The following NFAM1 variants were observed in gnomAD, a reference collection of about 807,000 sequenced individuals.
NFAM1 encodes the protein NFAT activation molecule 1.
NFAM1 carries 17 observed loss-of-function variants against 29.0 expected under a neutral mutation model. That is an observed-to-expected ratio of 0.59 (90% CI 0.40 to 0.88). The LOEUF is 0.88. NFAM1 is among the 40% of genes least tolerant of loss of function. The pLI is 0.00. For synonymous variants in NFAM1, 175 were observed against 147.2 expected (o/e 1.19, Z -1.36); for missense variants, 324 against 344.6 (o/e 0.94, Z 0.47).
chr22:42,432,472 C>T (rs764384898), upstream of NFAM1: 198 of 1,407,702 alleles, frequency 1.4e-4, no homozygotes, highest in Admixed American at 1.7e-4. Flanking sequence ...CCTGACCTTC[C>T]GCTCAGAAGC....
intron 1 of NFAM1, among the ~76,000 whole-genome samples, chr22:42,420,323 A>C (rs568089603): frequency 1.3e-5 from 2 of 152,184 alleles, no homozygotes; most frequent in Admixed American, 6.5e-5. Context: ...TAAATAAATA[A>C]ATTAGCCAGG....
At chr22:42,430,391 C>A (rs1016932255) in intron 1 of NFAM1, among the ~76,000 whole-genome samples, 2 of 152,180 alleles carry the variant, frequency 1.3e-5, no homozygotes, top group African/African-American at 4.8e-5. Context: ...AAAACTCTGT[C>A]TCTACTAAAA....
At chr22:42,417,368 G>T (rs1233564209) in intron 1 of NFAM1, among the ~76,000 whole-genome samples, 1 of 152,216 alleles carries the variant, frequency 6.6e-6, no homozygotes, top group East Asian at 1.9e-4. Flanking sequence ...GGGCCCAGGA[G>T]CTGCTCCCAG....
At chr22:42,386,950 G>A (rs773319556) in intron 5 of NFAM1, 39 bp downstream of exon 5, 2 of 1,151,346 alleles carry the variant, frequency 1.7e-6, no homozygotes, top group South Asian at 2.9e-5. Context: ...GGGTCAGATG[G>A]AGCAAGAAGC....
rs1930027448 is a variant in NFAM1, at chr22:42,409,929, T to G, written c.452-382A>C. Among the ~76,000 whole-genome samples, 1 of 152,162 alleles carries G rather than the reference T, an allele frequency of 6.6e-6. No homozygotes were observed. The highest frequency in any genetic ancestry group is 2.4e-5 in the African/African-American group (1 of 41,428). On this transcript the variant is annotated intron_variant, in intron 2 of 5. Coordinates refer to ENST00000329021, the MANE Select transcript of NFAM1 (RefSeq NM_145912.8). This position sits in a 1 kb window ranked among gnomAD's most constrained non-coding sequence, Gnocchi z 4.9. ...AGGGCTGAAGGAGGCGGATTTATCCTGGGACTGACAGGGGGCTGCACCCAG... is the reference window on the plus strand; with the variant it reads ...AGGGCTGAAGGAGGCGGATTTATCCGGGGACTGACAGGGGGCTGCACCCAG...
rs1929008272 is a variant in NFAM1 at position 42,383,011 on chromosome 22, G to C, written c.*2150C>G. 6.5e-6 allele frequency: 1 copy of C among 152,912 alleles called. No homozygotes were observed. Among genetic ancestry groups the C allele is most frequent in the Non-Finnish European group, 1.5e-5 (1 of 68,560 alleles). The allele number at this position is 152,912 out of a possible 1,614,324, so 9.5% of individuals were successfully genotyped here. On this transcript the variant is annotated 3_prime_UTR_variant, in exon 6 of 6. Transcript: ENST00000329021. ...CCAAGTGAGGCAAAAACCATGCAAG[G>C]TATAGAGCAGGGGAGGCCAAGGCCA...
intron 1 of NFAM1, among the ~76,000 whole-genome samples, chr22:42,427,007 C>G (rs1243361679): frequency 6.6e-6 from 1 of 152,100 alleles, no homozygotes; most frequent in Non-Finnish European, 1.5e-5. Context: ...GTTCAGCGTA[C>G]TCCAGAGACT....
At chr22:42,406,336 T>C (rs931578079) in intron 3 of NFAM1, among the ~76,000 whole-genome samples, 2 of 152,138 alleles carry the variant, frequency 1.3e-5, no homozygotes, top group African/African-American at 4.8e-5. Context: ...TCACTGGGTG[T>C]CCCTCACTCA....
chr22:42,401,779 A>G (rs75275430), intron 3 of NFAM1, among the ~76,000 whole-genome samples: 18,484 of 152,136 alleles, frequency 0.12, 1,445 homozygotes, highest in Admixed American at 0.26. Flanking sequence ...GGGAGTCACC[A>G]GGCCTGGGCT....
At chr22:42,413,505 G>T (rs940024501) in intron 1 of NFAM1, among the ~76,000 whole-genome samples, 2 of 152,154 alleles carry the variant, frequency 1.3e-5, no homozygotes, top group Admixed American at 6.5e-5. Context: ...GCTGGGCAGG[G>T]TGGCTCATGC....
Position 42,388,602 on chromosome 22 carries a change from C to CT in NFAM1, c.664-1525dup, listed in dbSNP as rs1405814806. Reference sequence around the variant, plus strand: ...GGCAAGCAGGGGTTGCTGAGGCAGGCTGGAGAGACAGGTGGTGCTCAGAGG... The same window carrying CT: ...GGCAAGCAGGGGTTGCTGAGGCAGGCTTGGAGAGACAGGTGGTGCTCAGAGG... On this transcript the variant is annotated intron_variant, in intron 4 of 5. Transcript: ENST00000329021. The surrounding 1 kb of genome is among the most constrained non-coding windows in gnomAD (Gnocchi z 4.1). Among the ~76,000 whole-genome samples, 3 of 144,964 alleles carry CT rather than the reference C, an allele frequency of 2.1e-5. No individual in the cohort carries two copies. Among genetic ancestry groups the CT allele is most frequent in the Non-Finnish European group, 4.5e-5 (3 of 65,936 alleles).
In NFAM1 at chr22:42,383,491, C is replaced by T. The variant is rs1335260733; in HGVS notation, c.*1670G>A. The T allele has an allele frequency of 6.5e-6, 1 of 152,738 alleles. No individual in the cohort carries two copies. Among genetic ancestry groups the T allele is most frequent in the African/African-American group, 2.4e-5 (1 of 41,452 alleles). The allele number at this position is 152,738 out of a possible 1,614,324, so 9.5% of individuals were successfully genotyped here. ...TCGGTTATGTGAGCCTGCTAAAGCCCTCCTTGCCATGTGTGCTTGCAGGCG... is the reference window on the plus strand; with the variant it reads ...TCGGTTATGTGAGCCTGCTAAAGCCTTCCTTGCCATGTGTGCTTGCAGGCG... On this transcript the variant is annotated 3_prime_UTR_variant, in exon 6 of 6. Transcript: ENST00000329021.
At chr22:42,413,874 C>A (rs946975073) in intron 1 of NFAM1, among the ~76,000 whole-genome samples, 9 of 152,054 alleles carry the variant, frequency 5.9e-5, no homozygotes, top group African/African-American at 2.2e-4. Context: ...GCCAACATGG[C>A]AAAACCCCGT....
intron 1 of NFAM1, among the ~76,000 whole-genome samples, chr22:42,428,507 T>G (rs36025763): frequency 5.9e-5 from 9 of 152,098 alleles, no homozygotes; most frequent in African/African-American, 1.9e-4. Flanking sequence ...AGTGGCACGA[T>G]CTCAGCTCAG....
At chr22:42,421,167 TG>T (rs1181497036) in intron 1 of NFAM1, among the ~76,000 whole-genome samples, 2 of 150,504 alleles carry the variant, frequency 1.3e-5, no homozygotes, top group East Asian at 3.9e-4. Flanking sequence ...AATGCTCCCA[TG>T]GGCTAGGCGC....
intron 5 of NFAM1, among the ~76,000 whole-genome samples, chr22:42,386,383 AC>A (rs1402895886): frequency 7.7e-6 from 1 of 130,332 alleles, no homozygotes; most frequent in African/African-American, 3.4e-5. Context: ...CAAAACAAAA[AC>A]AAAAACAAAC....
intron 3 of NFAM1, among the ~76,000 whole-genome samples, chr22:42,401,786 G>C (rs1488000469): frequency 6.6e-6 from 1 of 152,116 alleles, no homozygotes; most frequent in East Asian, 1.9e-4. Flanking sequence ...ACCAGGCCTG[G>C]GCTGAGATCC....
At chr22:42,403,077 A>AT (rs111640608) in intron 3 of NFAM1, among the ~76,000 whole-genome samples, 4,212 of 150,812 alleles carry the variant, frequency 0.028, 202 homozygotes, top group African/African-American at 0.099. Context: ...TGACCTTGTG[A>AT]CCACCCACCT....
At chr22:42,398,634 G>A (rs28733316) in intron 3 of NFAM1, among the ~76,000 whole-genome samples, 25,333 of 151,890 alleles carry the variant, frequency 0.17, 2,270 homozygotes, top group African/African-American at 0.21. Context: ...GGCTGGTCTC[G>A]AACTCCTGAC....
Sources: allele counts gnomAD v4.1 joint callset (sites outside exome capture counted in the v4.1 genomes callset), GRCh38; gene constraint gnomAD v4.1.1; non-coding constraint Gnocchi (gnomAD v3.1); transcripts MANE v1.5; gene names NCBI Gene and HGNC (gene_info 2026-07-23, HGNC 2026-07-21).